The following TSPAN8 variants were observed in gnomAD, a reference collection of about 807,000 sequenced individuals.
The protein encoded by TSPAN8 is tetraspanin-8.
TSPAN8 carries 21 observed loss-of-function variants against 32.8 expected under a neutral mutation model. The observed-to-expected ratio is 0.64, with a 90% CI of 0.45 to 0.92. The LOEUF (loss-of-function observed/expected upper bound fraction) is 0.92, where lower values mean the gene tolerates loss of function less well. Ranked by LOEUF, TSPAN8 falls within the 40% of genes least tolerant of loss-of-function variation. The pLI, the probability that TSPAN8 is intolerant of heterozygous loss-of-function variation, is 0.00. For missense variants in TSPAN8, 269 were observed against 281.9 expected, an observed-to-expected ratio of 0.95 and a Z score of 0.33; for synonymous variants, 95 against 94.6, an observed-to-expected ratio of 1.00 and a Z score of -0.03.
Position 71,144,226 on chromosome 12 carries a change from A to G in TSPAN8, c.61-13T>C. ...AGATACCACATAGCTGCAGAAAAAA[A>G]CAAACAAACAAAAAGAATACAATTA... On this transcript the variant is annotated splice_polypyrimidine_tract_variant and intron_variant, in intron 2 of 8. Transcript: ENST00000247829. 1 of 1,606,720 alleles carries G rather than the reference A, an allele frequency of 6.2e-7. No homozygotes were observed. The highest frequency in any genetic ancestry group is 8.5e-7 in the Non-Finnish European group (1 of 1,177,680).
chr12:71,136,977 A>G (rs115736091), intron 6 of TSPAN8, among the ~76,000 whole-genome samples: 16 of 152,314 alleles, frequency 1.1e-4, no homozygotes, highest in African/African-American at 2.9e-4. Flanking sequence ...AGGCTGAGAA[A>G]GAAAAAAAGA....
intron 8 of TSPAN8, among the ~76,000 whole-genome samples, chr12:71,127,970 A>G (rs1871396779): frequency 6.6e-6 from 1 of 152,222 alleles, no homozygotes; most frequent in South Asian, 2.1e-4. Context: ...ATTCATTTAA[A>G]TCATTCATTT....
intron 6 of TSPAN8, among the ~76,000 whole-genome samples, chr12:71,133,927 A>C (rs1615252): frequency 0.39 from 59,842 of 151,996 alleles, 12,228 homozygotes; most frequent in African/African-American, 0.45. Flanking sequence ...TGAGAAAAAC[A>C]GAACCAAGAC....
chr12:71,136,193 A>G, intron 6 of TSPAN8, among the ~76,000 whole-genome samples: 1 of 152,202 alleles, frequency 6.6e-6, no homozygotes, highest in African/African-American at 2.4e-5. Flanking sequence ...TCTCAAAGAA[A>G]AATCTATCAT....
rs948280233 is a variant in TSPAN8 at position 71,148,375 on chromosome 12, T to G, written c.61-4162A>C. Among the ~76,000 whole-genome samples, 3 of 152,328 alleles carry G rather than the reference T, an allele frequency of 2.0e-5. No homozygotes were observed. In the East Asian group the frequency reaches 5.8e-4, roughly 29 times the overall value. On this transcript the variant is annotated intron_variant, in intron 2 of 8. Coordinates refer to ENST00000247829, the MANE Select transcript of TSPAN8 (RefSeq NM_004616.3). ...AATAGGAGAAGAATATCACCAGCCT[T>G]ATTTTCGTTCATGCATTATTTGCTT... is the stretch of plus-strand genomic sequence containing the variant.
At chr12:71,148,277 C>T (rs1434541131) in intron 2 of TSPAN8, among the ~76,000 whole-genome samples, 3 of 152,106 alleles carry the variant, frequency 2.0e-5, no homozygotes, top group African/African-American at 7.2e-5. Flanking sequence ...ATCTCTTTCT[C>T]TCTTATTCAT....
chr12:71,130,105 A>C (rs1485579077), intron 7 of TSPAN8, among the ~76,000 whole-genome samples: 1 of 151,920 alleles, frequency 6.6e-6, no homozygotes, highest in Non-Finnish European at 1.5e-5. Flanking sequence ...GGCATGTGCC[A>C]CCATGCCTGG....
chr12:71,149,444 C>A (rs1447476308), intron 2 of TSPAN8, among the ~76,000 whole-genome samples: 1 of 151,736 alleles, frequency 6.6e-6, no homozygotes, highest in Non-Finnish European at 1.5e-5. Context: ...ATCTACTAAG[C>A]CTCATGCGAT....
At chr12:71,125,461 A>T (rs748406438) in intron 8 of TSPAN8, 74 bp from the exon 9 acceptor site, 29 of 1,244,980 alleles carry the variant, frequency 2.3e-5, no homozygotes, top group Non-Finnish European at 3.3e-5. Context: ...AAACAGAAAG[A>T]ACATTATATA....
In TSPAN8 at chr12:71,157,707, C is replaced by G; in HGVS notation, c.-29G>C. On this transcript the variant is annotated 5_prime_UTR_variant, in exon 2 of 9. Coordinates refer to ENST00000247829, the MANE Select transcript of TSPAN8 (RefSeq NM_004616.3). ...GGAAAAGGATTAGGAATCCAGATGC[C>G]GTGAATTTAACTATTCGTTACAGGC... 1 of 1,582,704 alleles carries G rather than the reference C, an allele frequency of 6.3e-7. No homozygotes were observed.
chr12:71,154,474 C>A (rs1483339327), intron 2 of TSPAN8, among the ~76,000 whole-genome samples: 1 of 151,770 alleles, frequency 6.6e-6, no homozygotes, highest in Non-Finnish European at 1.5e-5. Context: ...ATAACCTACC[C>A]CTTCCTAGAC....
rs181789331 is a variant in TSPAN8 at position 71,136,005 on chromosome 12, A to G, written c.444+1948T>C. Among the ~76,000 whole-genome samples, 19 of 152,250 alleles carry G rather than the reference A, an allele frequency of 1.2e-4. No homozygotes were observed. In the East Asian group the frequency reaches 3.5e-3, roughly 28 times the overall value. On this transcript the variant is annotated intron_variant, in intron 6 of 8. Coordinates refer to ENST00000247829, the MANE Select transcript of TSPAN8 (RefSeq NM_004616.3). ...AGTTAAACAGGGACTGACCCATATCAGGTTTCAGCTTTCGGAAATGATGCT... is the reference window on the plus strand; with the variant it reads ...AGTTAAACAGGGACTGACCCATATCGGGTTTCAGCTTTCGGAAATGATGCT...
chr12:71,139,227 A>G (rs950595143), intron 4 of TSPAN8: 8 of 457,586 alleles, frequency 1.7e-5, no homozygotes, highest in Non-Finnish European at 3.5e-5. Context: ...CTCAGTTCCC[A>G]AACACACCAG....
intron 6 of TSPAN8, among the ~76,000 whole-genome samples, chr12:71,133,752 C>T (rs1021112946): frequency 6.6e-6 from 1 of 152,128 alleles, no homozygotes; most frequent in Non-Finnish European, 1.5e-5. Flanking sequence ...TTTGCAGCCA[C>T]ATTTGAGGAA....
chr12:71,149,899 A>T (rs1872193575), intron 2 of TSPAN8, among the ~76,000 whole-genome samples: 1 of 152,246 alleles, frequency 6.6e-6, no homozygotes, highest in African/African-American at 2.4e-5. Context: ...GGTCGAGCAA[A>T]AAGAGCCATA....
chr12:71,128,655 TAAA>T (rs77961508), intron 8 of TSPAN8, among the ~76,000 whole-genome samples: 1 of 139,402 alleles, frequency 7.2e-6, no homozygotes, highest in African/African-American at 2.5e-5. Context: ...TTTTTTTTTT[TAAA>T]AAAAAAACAT....
At chr12:71,135,217 AGG>A (rs1871643384) in intron 6 of TSPAN8, among the ~76,000 whole-genome samples, 1 of 54,538 alleles carries the variant, frequency 1.8e-5, no homozygotes, top group Non-Finnish European at 4.9e-5. Context: ...GAGGAGGAGG[AGG>A]AGGAAGAAGA....
At chr12:71,150,540 G>A (rs1266256533) in intron 2 of TSPAN8, among the ~76,000 whole-genome samples, 1 of 152,176 alleles carries the variant, frequency 6.6e-6, no homozygotes, top group African/African-American at 2.4e-5. Context: ...CAGCCCAGCT[G>A]TAAAATTCTT....
intron 2 of TSPAN8, among the ~76,000 whole-genome samples, chr12:71,156,574 T>C (rs1319387575): frequency 6.6e-6 from 1 of 152,140 alleles, no homozygotes; most frequent in Non-Finnish European, 1.5e-5. Context: ...CTACTGATCA[T>C]TGAATGGAAA....
Sources: allele counts gnomAD v4.1 joint callset (sites outside exome capture counted in the v4.1 genomes callset), GRCh38; gene constraint gnomAD v4.1.1; transcripts MANE v1.5; gene names NCBI Gene and HGNC (gene_info 2026-07-23, HGNC 2026-07-21).